Variants in GRM8 observed in about 807,000 individuals in gnomAD.
GRM8 encodes the protein metabotropic glutamate receptor 8.
GRM8 carries 47 observed loss-of-function variants against 87.2 expected under a neutral mutation model. The observed-to-expected ratio is 0.54, with a 90% CI of 0.43 to 0.69. The LOEUF (loss-of-function observed/expected upper bound fraction) is 0.69. Ranked by LOEUF, GRM8 falls within the 30% of genes least tolerant of loss-of-function variation. The pLI, the probability that GRM8 is intolerant of heterozygous loss-of-function variation, is 0.00. For missense variants in GRM8, 1,019 were observed against 1,139.2 expected, an observed-to-expected ratio of 0.89 and a Z score of 1.52; for synonymous variants, 396 against 404.5, an observed-to-expected ratio of 0.98 and a Z score of 0.25.
At chr7:126,449,750 T>C (rs1802411682) in intron 9 of GRM8, among the ~76,000 whole-genome samples, 1 of 151,870 alleles carries the variant, frequency 6.6e-6, no homozygotes, top group Admixed American at 6.6e-5. Context: ...GGGGACTGTA[T>C]TAACTCCCAC....
chr7:127,002,477 G>C (rs745426883), intron 3 of GRM8, among the ~76,000 whole-genome samples: 5 of 151,668 alleles, frequency 3.3e-5, no homozygotes, highest in African/African-American at 4.8e-5. Context: ...TGAGAGTCAG[G>C]AGAACACTAT....
chr7:127,133,530 C>T (rs1827796978), intron 2 of GRM8, among the ~76,000 whole-genome samples: 1 of 151,548 alleles, frequency 6.6e-6, no homozygotes, highest in African/African-American at 2.4e-5. Flanking sequence ...CGCAGTGAAA[C>T]CCCGTCTCTA....
intron 7 of GRM8, among the ~76,000 whole-genome samples, chr7:126,674,329 T>C (rs901997275): frequency 7.2e-5 from 11 of 152,338 alleles, no homozygotes; most frequent in Middle Eastern, 3.4e-3. Context: ...CTGTGAACTA[T>C]TTGAGATTCT....
intron 8 of GRM8, among the ~76,000 whole-genome samples, chr7:126,593,012 T>C (rs1796835243): frequency 6.6e-6 from 1 of 151,928 alleles, no homozygotes; most frequent in Admixed American, 6.6e-5. Context: ...ATCCCCTTTA[T>C]ATAACTACAA....
chr7:126,949,765 G>A (rs1025038481), intron 3 of GRM8, among the ~76,000 whole-genome samples: 5 of 152,156 alleles, frequency 3.3e-5, no homozygotes, highest in Admixed American at 3.3e-4. Context: ...AATACTTCTT[G>A]CATAATGGAG....
rs528503748 is a variant in GRM8 at position 126,976,198 on chromosome 7, A to G, written c.728-71515T>C. Among the ~76,000 whole-genome samples, 3 of 152,338 alleles carry G rather than the reference A, an allele frequency of 2.0e-5. No homozygotes were observed. In the East Asian group the frequency reaches 5.8e-4, roughly 29 times the overall value. On this transcript the variant is annotated intron_variant, in intron 3 of 10. Transcript: ENST00000339582. Reference sequence around the variant, plus strand: ...TAGATACCTCTTCTGGTCCTGGTCCATATTGAATTCCTTTCTAAAATCAGA... The same window carrying G: ...TAGATACCTCTTCTGGTCCTGGTCCGTATTGAATTCCTTTCTAAAATCAGA...
At position 126,438,986 on chromosome 7, in the gene GRM8, G is replaced by A. The variant is rs926648673; in HGVS notation, c.*133C>T. ...TACTTTTGGCTCATGGCTAATTTTT[G>A]TTCCTTACAAGACTGACTATTGATT... On this transcript the variant is annotated 3_prime_UTR_variant, in exon 11 of 11. Coordinates refer to ENST00000339582, the MANE Select transcript of GRM8 (RefSeq NM_000845.3). The A allele has an allele frequency of 4.2e-5, 28 of 660,508 alleles. No homozygotes were observed. Among genetic ancestry groups the A allele is most frequent in the Non-Finnish European group, 6.6e-5 (24 of 365,086 alleles). 40.9% of individuals were successfully genotyped at this position (660,508 alleles called of 1,614,324 possible).
chr7:126,509,618 G>T (rs1584880331), intron 9 of GRM8, among the ~76,000 whole-genome samples: 1 of 151,920 alleles, frequency 6.6e-6, no homozygotes, highest in Non-Finnish European at 1.5e-5. Flanking sequence ...ATCCCTTTGA[G>T]GTAGGTAATT....
intron 9 of GRM8, among the ~76,000 whole-genome samples, chr7:126,503,308 A>G (rs538023793): frequency 8.9e-4 from 135 of 152,228 alleles, no homozygotes; most frequent in African/African-American, 3.1e-3. Flanking sequence ...TATGAGTTGT[A>G]TCTCTGGAAA....
intron 6 of GRM8, among the ~76,000 whole-genome samples, chr7:126,878,988 C>T (rs1473513715): frequency 4.6e-5 from 7 of 152,036 alleles, no homozygotes; most frequent in Middle Eastern, 6.8e-3. Flanking sequence ...TATGGGGAAA[C>T]CCCGTCTCTA....
chr7:126,836,905 T>C (rs1795865047), intron 6 of GRM8, among the ~76,000 whole-genome samples: 1 of 152,310 alleles, frequency 6.6e-6, no homozygotes, highest in Non-Finnish European at 1.5e-5. Context: ...GAAATCCCAG[T>C]TCTGACAATT....
chr7:127,014,182 C>A (rs1815168574), intron 3 of GRM8, among the ~76,000 whole-genome samples: 1 of 152,290 alleles, frequency 6.6e-6, no homozygotes, highest in African/African-American at 2.4e-5. Flanking sequence ...GACAGAGAAG[C>A]AAATAGGGGC....
chr7:127,126,895 C>G (rs1431072407), intron 2 of GRM8, among the ~76,000 whole-genome samples: 1 of 151,888 alleles, frequency 6.6e-6, no homozygotes, highest in East Asian at 1.9e-4. Flanking sequence ...ACAATACAAA[C>G]AGTCCAAATT....
At chr7:127,025,960 T>C (rs988399815) in intron 3 of GRM8, among the ~76,000 whole-genome samples, 2 of 152,086 alleles carry the variant, frequency 1.3e-5, no homozygotes, top group Non-Finnish European at 2.9e-5. Context: ...CATCAACTCA[T>C]CATTTACATT....
chr7:126,808,475 C>A (rs1563207086), intron 6 of GRM8, among the ~76,000 whole-genome samples: 1 of 152,164 alleles, frequency 6.6e-6, no homozygotes, highest in Non-Finnish European at 1.5e-5. Context: ...TGTAAACACT[C>A]AAGATGAATT....
At chr7:126,534,084 C>T (rs2150862696) in intron 8 of GRM8, among the ~76,000 whole-genome samples, 197 bp from the exon 9 acceptor site, 1 of 152,240 alleles carries the variant, frequency 6.6e-6, no homozygotes, top group African/African-American at 2.4e-5. Context: ...TCATTCACCT[C>T]ATCAACTTGA....
At chr7:126,445,123 C>G (rs1801875973) in intron 10 of GRM8, 1 of 152,158 alleles carries the variant, frequency 6.6e-6, no homozygotes, top group African/African-American at 2.4e-5. Flanking sequence ...CTAGATCATA[C>G]CACTGCACTC....
At chr7:127,167,126 G>A (rs1016186756) in intron 2 of GRM8, among the ~76,000 whole-genome samples, 1 of 152,082 alleles carries the variant, frequency 6.6e-6, no homozygotes, top group African/African-American at 2.4e-5. Context: ...GAAAGTGGGG[G>A]CAATCTGCAG....
At chr7:126,844,121 A>C (rs1318395715) in intron 6 of GRM8, among the ~76,000 whole-genome samples, 2 of 152,202 alleles carry the variant, frequency 1.3e-5, no homozygotes, top group Non-Finnish European at 2.9e-5. Flanking sequence ...TGTCAATTGG[A>C]ATCTACTGAC....
Sources: allele counts gnomAD v4.1 joint callset (sites outside exome capture counted in the v4.1 genomes callset), GRCh38; gene constraint gnomAD v4.1.1; transcripts MANE v1.5; gene names NCBI Gene and HGNC (gene_info 2026-07-23, HGNC 2026-07-21).